RIMS1: variants seen among roughly 807,000 people sequenced by gnomAD.
The protein encoded by RIMS1 is regulating synaptic membrane exocytosis 1.
A neutral mutation model predicts 214.1 loss-of-function variants in RIMS1; 83 were observed. That is an observed-to-expected ratio of 0.39 (90% CI 0.32 to 0.47). The LOEUF (loss-of-function observed/expected upper bound fraction) is 0.47. Ranked by LOEUF, RIMS1 falls within the 20% of genes least tolerant of loss-of-function variation. RIMS1 has a pLI of 0.99. For missense variants in RIMS1, 2,050 were observed against 2,161.8 expected, an observed-to-expected ratio of 0.95 and a Z score of 1.03; for synonymous variants, 793 against 786.8, an observed-to-expected ratio of 1.01 and a Z score of -0.13.
chr6:72,262,152 A>T lies in RIMS1; in HGVS notation c.3116+1385A>T, dbSNP rs979445725. On this transcript the variant is annotated intron_variant, in intron 19 of 33. Coordinates refer to ENST00000521978, the MANE Select transcript of RIMS1 (RefSeq NM_014989.7). Reference sequence around the variant, plus strand: ...TGAATATTTCTAGGATACTCACACCAGTGGTCTAAATATAATAACTAAAAA... The same window carrying T: ...TGAATATTTCTAGGATACTCACACCTGTGGTCTAAATATAATAACTAAAAA... The T allele has an allele frequency of 5.1e-6, 5 of 979,202 alleles. No homozygotes were observed. In the African/African-American group the frequency reaches 8.8e-5, roughly 17 times the overall value. 60.7% of individuals were successfully genotyped at this position (979,202 alleles called of 1,614,324 possible). A position where few individuals can be genotyped will look rare whatever the true frequency, so the allele number is the denominator to read the frequency against.
At chr6:71,961,005 G>A (rs1298969223) in intron 1 of RIMS1, among the ~76,000 whole-genome samples, 1 of 152,130 alleles carries the variant, frequency 6.6e-6, no homozygotes, top group Non-Finnish European at 1.5e-5. Context: ...ATTAGTGAAT[G>A]ATAGGTGGAA....
chr6:72,079,623 C>G (rs1239832811), intron 2 of RIMS1, among the ~76,000 whole-genome samples: 2 of 152,086 alleles, frequency 1.3e-5, no homozygotes, highest in Non-Finnish European at 2.9e-5. Flanking sequence ...GTGGCTCATG[C>G]CTGTAATCCC....
intron 26 of RIMS1, among the ~76,000 whole-genome samples, chr6:72,299,290 C>A (rs1369044636): frequency 6.6e-6 from 1 of 151,848 alleles, no homozygotes; most frequent in Admixed American, 6.6e-5. Context: ...CATAACAAAA[C>A]ACATCATATT....
intron 29 of RIMS1, among the ~76,000 whole-genome samples, chr6:72,342,861 G>A (rs2097142497): frequency 1.3e-5 from 2 of 151,770 alleles, no homozygotes; most frequent in Non-Finnish European, 2.9e-5. Flanking sequence ...TGACAGAAAA[G>A]AGGAAATGGC....
chr6:71,969,043 C>A lies in RIMS1; in HGVS notation c.225C>A (p.Asn75Lys). 1.9e-6 allele frequency: 3 copies of A among 1,613,982 alleles called. No homozygotes were observed. The highest frequency in any genetic ancestry group is 2.2e-5 in the East Asian group (1 of 44,890). Residue 75 changes from asparagine (N) to lysine (K), a missense_variant, in exon 2 of 34, where the codon AAC (asparagine) becomes AAA (lysine). By Grantham distance (94) the Asn-to-Lys change is moderately conservative. This residue lies in a region of RIMS1 where 882 missense variants were observed against 828.9 expected (regional missense o/e 1.06). Coordinates refer to ENST00000521978, the MANE Select transcript of RIMS1 (RefSeq NM_014989.7). ...GCAAAACACCAAGAAATGCTGAAAA[C>A]CAGCCCCACCAACCTTCACCGTGAG... ...AACKTPRNAE[N>K]QPHQPSPRLH...
intron 2 of RIMS1, among the ~76,000 whole-genome samples, chr6:72,095,156 G>A (rs1375097249): frequency 6.8e-6 from 1 of 147,684 alleles, no homozygotes; most frequent in African/African-American, 2.5e-5. Context: ...GTAGAGGCGG[G>A]GTTTCACAGT....
intron 1 of RIMS1, among the ~76,000 whole-genome samples, chr6:71,922,208 A>G (rs1473358326): frequency 6.6e-6 from 1 of 152,166 alleles, no homozygotes; most frequent in East Asian, 1.9e-4. Context: ...TGTACAATTC[A>G]ATGGCATTAA....
chr6:72,347,581 T>A (rs1594704888), intron 29 of RIMS1, among the ~76,000 whole-genome samples: 1 of 100,414 alleles, frequency 1.0e-5, no homozygotes, highest in Non-Finnish European at 2.7e-5. Context: ...TAGTAAAAAA[T>A]GTCCACTTTT....
At chr6:72,095,713 G>A (rs1045463101) in intron 2 of RIMS1, among the ~76,000 whole-genome samples, 3 of 152,206 alleles carry the variant, frequency 2.0e-5, no homozygotes, top group African/African-American at 7.2e-5. Context: ...CTCAAACACT[G>A]CAGTACCTGG....
At chr6:72,194,558 T>C (rs1009104457) in intron 6 of RIMS1, among the ~76,000 whole-genome samples, 9 of 152,260 alleles carry the variant, frequency 5.9e-5, no homozygotes, top group African/African-American at 1.7e-4. Flanking sequence ...CAATAAGGAA[T>C]AATTACACAA....
At chr6:72,350,437 G>A (rs2097406615) in intron 29 of RIMS1, among the ~76,000 whole-genome samples, 1 of 152,134 alleles carries the variant, frequency 6.6e-6, no homozygotes, top group Non-Finnish European at 1.5e-5. Flanking sequence ...GGAGGCAACA[G>A]CATGTCTTCT....
At chr6:72,320,641 G>C (rs1027551036) in intron 28 of RIMS1, among the ~76,000 whole-genome samples, 1 of 151,882 alleles carries the variant, frequency 6.6e-6, no homozygotes, top group African/African-American at 2.4e-5. Flanking sequence ...AAAACTACTA[G>C]AATGTTCTAT....
At chr6:72,396,299 T>G (rs888488099) in intron 31 of RIMS1, among the ~76,000 whole-genome samples, 4 of 152,192 alleles carry the variant, frequency 2.6e-5, no homozygotes, top group African/African-American at 9.7e-5. Flanking sequence ...TGTGTGTGTA[T>G]TTGTGTATTT....
chr6:72,168,908 A>G (rs1251598605), intron 4 of RIMS1, among the ~76,000 whole-genome samples: 1 of 151,998 alleles, frequency 6.6e-6, no homozygotes, highest in Non-Finnish European at 1.5e-5. Context: ...TAACAAGGGT[A>G]GGCTAAGATC....
intron 29 of RIMS1, among the ~76,000 whole-genome samples, chr6:72,338,728 A>G (rs892533920): frequency 6.6e-6 from 1 of 151,826 alleles, no homozygotes; most frequent in African/African-American, 2.4e-5. Flanking sequence ...TTCCCATTTT[A>G]AAGTTGAAGA....
intron 1 of RIMS1, among the ~76,000 whole-genome samples, chr6:71,891,169 A>G (rs1019400089): frequency 6.6e-5 from 10 of 152,230 alleles, no homozygotes; most frequent in Non-Finnish European, 1.2e-4. Context: ...GAAGGTAATA[A>G]AAAGCATCAC....
intron 9 of RIMS1, among the ~76,000 whole-genome samples, chr6:72,240,715 A>G (rs2066481270): frequency 1.5e-5 from 2 of 130,970 alleles, no homozygotes; most frequent in Admixed American, 9.2e-5. Flanking sequence ...AGGGCAGTCT[A>G]TTAGAATTGG....
chr6:72,026,660 C>T (rs1460494138), intron 2 of RIMS1, among the ~76,000 whole-genome samples: 1 of 152,030 alleles, frequency 6.6e-6, no homozygotes, highest in Admixed American at 6.6e-5. Flanking sequence ...TAAATGAAAA[C>T]TTATACATGA....
chr6:72,140,998 A>G (rs1272488115), intron 4 of RIMS1, among the ~76,000 whole-genome samples: 4 of 152,012 alleles, frequency 2.6e-5, no homozygotes, highest in Non-Finnish European at 5.9e-5. Flanking sequence ...GATGGCAGGA[A>G]AAACTTGGTA....
Sources: allele counts gnomAD v4.1 joint callset (sites outside exome capture counted in the v4.1 genomes callset), GRCh38; gene constraint gnomAD v4.1.1; regional missense constraint gnomAD v4.1.1; transcripts MANE v1.5; gene names NCBI Gene and HGNC (gene_info 2026-07-23, HGNC 2026-07-21).